The following ATP11B variants were observed in gnomAD, a reference collection of about 807,000 sequenced individuals.
ATP11B encodes phospholipid-transporting ATPase IF.
Under a neutral mutation model 157.8 loss-of-function variants are expected in ATP11B, and 81 were observed. The observed-to-expected ratio is 0.51, with a 90% CI of 0.43 to 0.62. The LOEUF (loss-of-function observed/expected upper bound fraction) is 0.62. ATP11B is among the 20% of genes least tolerant of loss of function. ATP11B has a pLI of 0.00. For missense variants in ATP11B, 1,165 were observed against 1,402.2 expected (o/e 0.83, Z 2.70); for synonymous variants, 451 against 469.4 (o/e 0.96, Z 0.51).
In ATP11B at chr3:182,803,857, A is replaced by G. The variant is rs189571463; in HGVS notation, c.27+10071A>G. Among the ~76,000 whole-genome samples, 7 of 152,284 alleles carry G rather than the reference A, an allele frequency of 4.6e-5. No homozygotes were observed. The East Asian group carries it at 9.6e-4, about 21-fold the overall frequency. On this transcript the variant is annotated intron_variant, in intron 1 of 29. Coordinates refer to ENST00000323116, the MANE Select transcript of ATP11B (RefSeq NM_014616.3). Reference sequence around the variant, plus strand: ...CTGTCATATACCAGCATTCTCTTTCATATACCTTGGTCTCATTCTAGATTC... The same window carrying G: ...CTGTCATATACCAGCATTCTCTTTCGTATACCTTGGTCTCATTCTAGATTC...
rs1298883178 is a variant in ATP11B, at chr3:182,853,449, G to A, written c.852-4429G>A. Among the ~76,000 whole-genome samples the A allele has an allele frequency of 5.3e-5, 8 of 152,018 alleles. No homozygotes were observed. In the East Asian group the frequency reaches 9.6e-4, roughly 18 times the overall value. On this transcript the variant is annotated intron_variant, in intron 10 of 29. Transcript: ENST00000323116. ...TCTTGATCTCTTGACCTCTTGATCC[G>A]CCTACCTCGGCCTCCCTGCAGGTGT...
intron 24 of ATP11B, among the ~76,000 whole-genome samples, chr3:182,888,510 C>A (rs1722949387): frequency 6.6e-6 from 1 of 151,856 alleles, no homozygotes; most frequent in African/African-American, 2.4e-5. Context: ...AAGTATTATG[C>A]CTATGTCATA....
chr3:182,898,922 T>C (rs966130554), intron 28 of ATP11B, 150 bp downstream of exon 28: 5 of 500,776 alleles, frequency 1.0e-5, no homozygotes, highest in Admixed American at 4.3e-5. Flanking sequence ...TTCAGTGTGA[T>C]ATTTTTGAAG....
At position 182,902,491 on chromosome 3, in the gene ATP11B, A is replaced by C. The variant is rs936305054; in HGVS notation, c.3318+3719A>C. On this transcript the variant is annotated intron_variant, in intron 28 of 29. Coordinates refer to ENST00000323116, the MANE Select transcript of ATP11B (RefSeq NM_014616.3). ...TCTGTCCACTTATAGATGTACTCCAACACAGTTGCTTTAAGTGACGAGTTC... is the reference window on the plus strand; with the variant it reads ...TCTGTCCACTTATAGATGTACTCCACCACAGTTGCTTTAAGTGACGAGTTC... 8.5e-6 allele frequency: 11 copies of C among 1,289,306 alleles called. No homozygotes were observed. In the Admixed American group the frequency reaches 1.4e-4, roughly 16 times the overall value. The allele number at this position is 1,289,306 out of a possible 1,614,324, so 79.9% of individuals were successfully genotyped here.
chr3:182,816,754 T>G (rs1342413462), intron 1 of ATP11B, among the ~76,000 whole-genome samples: 1 of 152,204 alleles, frequency 6.6e-6, no homozygotes, highest in Non-Finnish European at 1.5e-5. Context: ...ATGTATACGC[T>G]TATCAGAAAA....
chr3:182,897,458 TTA>T, intron 27 of ATP11B, 52 bp downstream of exon 27: 1 of 1,235,740 alleles, frequency 8.1e-7, no homozygotes, highest in Non-Finnish European at 1.1e-6. Context: ...TAATAAACAT[TTA>T]TTGTGATAGG....
In ATP11B at chr3:182,885,950, G is replaced by C; in HGVS notation, c.2656-1G>C. 2 of 1,496,886 alleles carry C rather than the reference G, an allele frequency of 1.3e-6. No individual in the cohort carries two copies. The highest frequency in any genetic ancestry group is 1.8e-6 in the Non-Finnish European group (2 of 1,128,836). 92.7% of individuals were successfully genotyped at this position (1,496,886 alleles called of 1,614,324 possible). On this transcript the variant is annotated splice_acceptor_variant, in intron 22 of 29. Coordinates refer to ENST00000323116, the MANE Select transcript of ATP11B (RefSeq NM_014616.3). LOFTEE classifies it high-confidence loss of function. ...ATTTTCCATTTAATCTTGTTTTTCA[G>C]AATGTGTGCTTTATCACACCCCAGT...
At chr3:182,886,193 T>C (rs1204226596) in intron 23 of ATP11B, among the ~76,000 whole-genome samples, 183 bp downstream of exon 23, 1 of 152,080 alleles carries the variant, frequency 6.6e-6, no homozygotes, top group Admixed American at 6.6e-5. Context: ...TTTATTCTGG[T>C]TTTCAGTTTG....
intron 29 of ATP11B, 64 bp from the exon 30 acceptor site, chr3:182,917,959 A>C: frequency 6.3e-7 from 1 of 1,587,964 alleles, no homozygotes; most frequent in Non-Finnish European, 8.6e-7. Context: ...TTTTAGAGTA[A>C]ATTTTTTTCT....
Position 182,887,677 on chromosome 3 carries a change from A to C in ATP11B, c.2807A>C (p.Asp936Ala). The change falls in exon 24 of 30, where the codon GAC (aspartate) becomes GCC (alanine). Residue 936 changes from aspartate to alanine, a missense_variant. Physicochemically the swap from Asp to Ala is moderately radical, Grantham distance 126. Around this residue, in one of 4 missense-constraint regions of ATP11B, gnomAD observed 303 missense variants for 296.3 expected, o/e 1.02. Coordinates refer to ENST00000323116, the MANE Select transcript of ATP11B (RefSeq NM_014616.3). ...TATAGTCTTTTGGAACAGCATGTAGACCCTCATGTGTTACAAAATAAGCCC... is the reference window on the plus strand; with the variant it reads ...TATAGTCTTTTGGAACAGCATGTAGCCCCTCATGTGTTACAAAATAAGCCC... ...LIYSLLEQHV[D>A]PHVLQNKPTL... is the part of the protein sequence containing the mutation. 6.2e-7 allele frequency: 1 copy of C among 1,612,366 alleles called. No homozygotes were observed. The highest frequency in any genetic ancestry group is 8.5e-7 in the Non-Finnish European group (1 of 1,179,540).
At position 182,869,332 on chromosome 3, in the gene ATP11B, G is replaced by C. The variant is rs1721478654; in HGVS notation, c.1866+1G>C. The C allele has an allele frequency of 1.3e-6, 2 of 1,555,324 alleles. No individual in the cohort carries two copies. Among genetic ancestry groups the C allele is most frequent in the African/African-American group, 1.4e-5 (1 of 72,852 alleles). ...AATTCATGTAGATGAATTTGCTTTG[G>C]TGAGTGCAAATTTCTATGATTTAAA... On this transcript the variant is annotated splice_donor_variant, in intron 17 of 29. Coordinates refer to ENST00000323116, the MANE Select transcript of ATP11B (RefSeq NM_014616.3). LOFTEE classifies it high-confidence loss of function.
intron 10 of ATP11B, among the ~76,000 whole-genome samples, chr3:182,855,155 A>G (rs1355780326): frequency 6.6e-6 from 1 of 152,220 alleles, no homozygotes; most frequent in Non-Finnish European, 1.5e-5. Context: ...AAGTGTTACT[A>G]TATAAGCTAC....
intron 8 of ATP11B, chr3:182,844,591 A>G (rs1577009652): frequency 1.0e-6 from 1 of 981,608 alleles, no homozygotes; most frequent in Non-Finnish European, 1.2e-6. Flanking sequence ...AGAAGTATGC[A>G]ATGCAAGTAG....
At chr3:182,820,149 A>T in intron 1 of ATP11B, 111 bp from the exon 2 acceptor site, 1 of 720,394 alleles carries the variant, frequency 1.4e-6, no homozygotes, top group Non-Finnish European at 2.4e-6. Flanking sequence ...TATGCATTTT[A>T]AGGGCAATAG....
At chr3:182,813,373 A>G (rs891269043) in intron 1 of ATP11B, among the ~76,000 whole-genome samples, 3 of 152,192 alleles carry the variant, frequency 2.0e-5, no homozygotes, top group Middle Eastern at 3.4e-3. Context: ...ATTTTTGCCA[A>G]TACTTATTTT....
intron 12 of ATP11B, among the ~76,000 whole-genome samples, chr3:182,860,767 T>C (rs1720768398): frequency 6.6e-6 from 1 of 152,188 alleles, no homozygotes; most frequent in Non-Finnish European, 1.5e-5. Flanking sequence ...TCTGCTATAA[T>C]ATTTTTAATT....
chr3:182,844,415 C>T (rs1005492563), intron 8 of ATP11B: 2 of 287,572 alleles, frequency 7.0e-6, no homozygotes, highest in Admixed American at 6.5e-5. Context: ...ATGCATATTT[C>T]AGAAAACTAT....
At chr3:182,878,020 T>C (rs943868836) in intron 19 of ATP11B, among the ~76,000 whole-genome samples, 7 of 152,176 alleles carry the variant, frequency 4.6e-5, no homozygotes, top group African/African-American at 1.7e-4. Context: ...TTGGACAGGC[T>C]GAAGACATTG....
intron 25 of ATP11B, among the ~76,000 whole-genome samples, chr3:182,889,795 A>G (rs939473777): frequency 6.6e-6 from 1 of 152,230 alleles, no homozygotes; most frequent in Non-Finnish European, 1.5e-5. Context: ...ATTAGCTCAC[A>G]CAGGGGATAT....
Sources: gnomAD v4.1 joint callset for allele counts (sites outside exome capture counted in the v4.1 genomes callset) on GRCh38, gnomAD v4.1.1 for gene constraint, gnomAD v4.1.1 regional missense constraint, MANE v1.5 for transcripts, NCBI Gene and HGNC (gene_info 2026-07-23, HGNC 2026-07-21) for gene names.